Variants in RPS6KC1 observed in about 807,000 individuals in gnomAD.
RPS6KC1 encodes ribosomal protein S6 kinase C1, also known as inactive ribosomal protein S6 kinase delta-1.
A neutral mutation model predicts 103.8 loss-of-function variants in RPS6KC1; 54 were observed. That is an observed-to-expected ratio of 0.52 (90% CI 0.42 to 0.65). The LOEUF is 0.65. RPS6KC1 is among the 30% of genes least tolerant of loss of function. The pLI is 0.00. For synonymous variants in RPS6KC1, 439 were observed against 438.7 expected (o/e 1.00, Z -0.01); for missense variants, 1,151 against 1,253.8 (o/e 0.92, Z 1.24).
chr1:213,344,164 T>C, the RPS6KC1 span, among the ~76,000 whole-genome samples: 102 of 152,086 alleles, frequency 6.7e-4, no homozygotes, highest in African/African-American at 2.4e-3. Flanking sequence ...ACCCAATTGC[T>C]AGAGAGCATC....
the RPS6KC1 span, among the ~76,000 whole-genome samples, chr1:213,631,212 A>G: frequency 1.4e-4 from 22 of 152,006 alleles, no homozygotes; most frequent in African/African-American, 5.3e-4. Flanking sequence ...TGCTGCATCC[A>G]CTGTCCTGCA....
chr1:213,599,101 T>C, the RPS6KC1 span, among the ~76,000 whole-genome samples: 1 of 152,180 alleles, frequency 6.6e-6, no homozygotes, highest in Non-Finnish European at 1.5e-5. Flanking sequence ...TGTATAGTGT[T>C]TCATTTTCCC....
the RPS6KC1 span, among the ~76,000 whole-genome samples, chr1:213,594,791 A>G: frequency 1.3e-5 from 2 of 152,108 alleles, no homozygotes; most frequent in Non-Finnish European, 2.9e-5. Context: ...CTCTATTCCT[A>G]GTTGGGAGGG....
At chr1:213,221,670 A>G (rs999570573) in intron 8 of RPS6KC1, among the ~76,000 whole-genome samples, 1 of 152,224 alleles carries the variant, frequency 6.6e-6, no homozygotes, top group African/African-American at 2.4e-5. Flanking sequence ...TTGTGTTCTT[A>G]TAGAAGTATT....
At chr1:213,711,679 C>T in the RPS6KC1 span, among the ~76,000 whole-genome samples, 1 of 152,110 alleles carries the variant, frequency 6.6e-6, no homozygotes, top group Admixed American at 6.5e-5. Context: ...TGTTGGTGCC[C>T]TTCAGATGGA....
the RPS6KC1 span, among the ~76,000 whole-genome samples, chr1:213,456,719 A>G: frequency 1.3e-5 from 2 of 152,214 alleles, no homozygotes; most frequent in Non-Finnish European, 2.9e-5. Flanking sequence ...TATTCCATAA[A>G]CAATCACTTA....
the RPS6KC1 span, among the ~76,000 whole-genome samples, chr1:213,352,917 A>G: frequency 1.1e-4 from 17 of 152,232 alleles, no homozygotes; most frequent in Admixed American, 1.0e-3. Flanking sequence ...TATGCTGTCT[A>G]TTTAAAAATC....
chr1:213,764,067 C>T, the RPS6KC1 span, among the ~76,000 whole-genome samples: 4 of 152,192 alleles, frequency 2.6e-5, no homozygotes, highest in African/African-American at 4.8e-5. Context: ...GTCAGATTGT[C>T]AAATGTGTCC....
chr1:213,229,208 A>G (rs2148847024), intron 8 of RPS6KC1, among the ~76,000 whole-genome samples: 1 of 152,262 alleles, frequency 6.6e-6, no homozygotes, highest in East Asian at 1.9e-4. Context: ...AGTTGTCACT[A>G]TTTTTTCAAC....
At chr1:213,514,244 T>C in the RPS6KC1 span, among the ~76,000 whole-genome samples, 2 of 152,176 alleles carry the variant, frequency 1.3e-5, no homozygotes, top group African/African-American at 2.4e-5. Flanking sequence ...ATTTTTTTTA[T>C]TATACTTTAA....
the RPS6KC1 span, among the ~76,000 whole-genome samples, chr1:213,442,354 C>G: frequency 6.6e-6 from 1 of 152,222 alleles, no homozygotes; most frequent in East Asian, 1.9e-4. Context: ...AGGTGTTCAA[C>G]AGACATTTTT....
At chr1:213,405,795 G>T in the RPS6KC1 span, among the ~76,000 whole-genome samples, 1 of 152,194 alleles carries the variant, frequency 6.6e-6, no homozygotes, top group Admixed American at 6.5e-5. Flanking sequence ...GTATAAGAGC[G>T]TGTATCCAGA....
chr1:213,218,891 T>C (rs937830382), intron 8 of RPS6KC1, among the ~76,000 whole-genome samples: 7 of 152,204 alleles, frequency 4.6e-5, no homozygotes, highest in Non-Finnish European at 1.0e-4. Context: ...GACTTAAATG[T>C]TAGACCTAAA....
At chr1:213,602,068 T>TTC in the RPS6KC1 span, among the ~76,000 whole-genome samples, 43 of 61,810 alleles carry the variant, frequency 7.0e-4, 7 homozygotes, top group African/African-American at 2.9e-3. Context: ...CTTTCTTTCT[T>TTC]TCTTTCTTTC....
chr1:213,148,939 C>G (rs1428043501), intron 6 of RPS6KC1, among the ~76,000 whole-genome samples: 2 of 152,080 alleles, frequency 1.3e-5, no homozygotes, highest in Non-Finnish European at 2.9e-5. Context: ...TCCATTTCTT[C>G]TAGACTTTCC....
At chr1:213,139,525 A>T (rs762373869) in intron 6 of RPS6KC1, among the ~76,000 whole-genome samples, 3 of 151,962 alleles carry the variant, frequency 2.0e-5, no homozygotes, top group Non-Finnish European at 4.4e-5. Context: ...TATATATGGT[A>T]AAAAGTAGGA....
the RPS6KC1 span, among the ~76,000 whole-genome samples, chr1:213,323,842 C>T: frequency 6.6e-6 from 1 of 152,258 alleles, no homozygotes; most frequent in Middle Eastern, 3.4e-3. Flanking sequence ...ACATTTTTAA[C>T]AATCAATGAA....
chr1:213,836,039 T>G, the RPS6KC1 span: 1 of 151,676 alleles, frequency 6.6e-6, no homozygotes, highest in Non-Finnish European at 1.5e-5. Flanking sequence ...TTTACTGAGT[T>G]GAGAACTTGA....
chr1:213,284,893 T>C, the RPS6KC1 span, among the ~76,000 whole-genome samples: 1 of 152,270 alleles, frequency 6.6e-6, no homozygotes, highest in Non-Finnish European at 1.5e-5. Flanking sequence ...CAGCATTTTA[T>C]AGAAGGGCAA....
Sources: gnomAD v4.1 joint callset for allele counts (sites outside exome capture counted in the v4.1 genomes callset) on GRCh38, gnomAD v4.1.1 for gene constraint, MANE v1.5 for transcripts, NCBI Gene and HGNC (gene_info 2026-07-23, HGNC 2026-07-21) for gene names.